Variants in MKLN1 observed in about 807,000 individuals in gnomAD.
The protein encoded by MKLN1 is muskelin 1.
Under a neutral mutation model 99.0 loss-of-function variants are expected in MKLN1, and 18 were observed. The ratio of observed to expected loss-of-function variants is 0.18; its 90% CI spans 0.13 to 0.27. The LOEUF (loss-of-function observed/expected upper bound fraction) is 0.27, where lower values mean the gene tolerates loss of function less well. MKLN1 is among the 10% of genes least tolerant of loss of function. MKLN1 has a pLI of 1.00. For missense variants in MKLN1, 621 were observed against 875.9 expected, an observed-to-expected ratio of 0.71 and a Z score of 3.67; for synonymous variants, 288 against 293.2, an observed-to-expected ratio of 0.98 and a Z score of 0.18.
intron 3 of MKLN1, among the ~76,000 whole-genome samples, chr7:131,269,636 G>A (rs1797856153): frequency 2.0e-5 from 3 of 152,022 alleles, no homozygotes; most frequent in African/African-American, 7.2e-5. Context: ...TATTTTTCAC[G>A]GTTGTCATGA....
chr7:131,269,345 C>T (rs1797852116), intron 3 of MKLN1, among the ~76,000 whole-genome samples: 1 of 152,200 alleles, frequency 6.6e-6, no homozygotes, highest in Non-Finnish European at 1.5e-5. Flanking sequence ...TGGTGAGGGC[C>T]TGCCTTCTAG....
intron 3 of MKLN1, among the ~76,000 whole-genome samples, chr7:131,221,540 G>A (rs1277150810): frequency 6.8e-6 from 1 of 146,566 alleles, no homozygotes; most frequent in Non-Finnish European, 1.5e-5. Flanking sequence ...CCGAAGTCTG[G>A]CTCCATCACC....
At chr7:131,300,102 G>C (rs1248613874) in intron 3 of MKLN1, among the ~76,000 whole-genome samples, 1 of 152,162 alleles carries the variant, frequency 6.6e-6, no homozygotes, top group African/African-American at 2.4e-5. Context: ...AAGGAGCTGG[G>C]AGTGGGAAAG....
intron 6 of MKLN1, among the ~76,000 whole-genome samples, chr7:131,406,144 C>G (rs746538174): frequency 6.6e-6 from 1 of 151,930 alleles, no homozygotes; most frequent in East Asian, 1.9e-4. Flanking sequence ...TTATGAAGTG[C>G]CTTTTTATCT....
chr7:131,425,235 A>G (rs921331757), intron 8 of MKLN1, among the ~76,000 whole-genome samples: 18 of 151,736 alleles, frequency 1.2e-4, no homozygotes, highest in Admixed American at 1.2e-3. Context: ...AACACTTTTG[A>G]CGTGTTTTTC....
chr7:131,197,880 A>C (rs1232333457), intron 2 of MKLN1, among the ~76,000 whole-genome samples: 1 of 152,002 alleles, frequency 6.6e-6, no homozygotes, highest in South Asian at 2.1e-4. Flanking sequence ...TCTATTGCCC[A>C]GGCTGGAGTG....
intron 12 of MKLN1, among the ~76,000 whole-genome samples, chr7:131,455,320 AG>A (rs1299806173): frequency 2.0e-5 from 3 of 152,184 alleles, no homozygotes; most frequent in African/African-American, 7.2e-5. Context: ...CCATTTGCTT[AG>A]AGGATAAACC....
chr7:131,345,526 G>T (rs1009745958), intron 1 of MKLN1, among the ~76,000 whole-genome samples: 4 of 152,138 alleles, frequency 2.6e-5, no homozygotes, highest in African/African-American at 4.8e-5. Context: ...AGAATAGCTT[G>T]GGTAACATAG....
At chr7:131,169,172 G>A (rs1796180415) in intron 2 of MKLN1, among the ~76,000 whole-genome samples, 1 of 152,140 alleles carries the variant, frequency 6.6e-6, no homozygotes, top group South Asian at 2.1e-4. Context: ...GCCAGCCACC[G>A]TGTCTGGCTG....
intron 3 of MKLN1, among the ~76,000 whole-genome samples, chr7:131,278,102 GC>G: frequency 6.6e-6 from 1 of 151,960 alleles, no homozygotes; most frequent in Non-Finnish European, 1.5e-5. Context: ...GCATACAGTG[GC>G]GTGATCTCAG....
At chr7:131,197,762 A>G (rs1474293413) in intron 2 of MKLN1, among the ~76,000 whole-genome samples, 6 of 152,176 alleles carry the variant, frequency 3.9e-5, no homozygotes, top group Non-Finnish European at 1.5e-5. Flanking sequence ...TATAACTAAT[A>G]GTATAACCAC....
chr7:131,247,235 C>CTTTTTTTTTTTTTTTTTT (rs72068521), intron 3 of MKLN1, among the ~76,000 whole-genome samples: 3 of 141,148 alleles, frequency 2.1e-5, no homozygotes, highest in African/African-American at 2.6e-5. Context: ...TTTCTTTTTT[C>CTTTTTTTTTTTTTTTTTT]TTTTTTTTTT....
intron 9 of MKLN1, among the ~76,000 whole-genome samples, chr7:131,432,064 G>A (rs1398873828): frequency 6.6e-6 from 1 of 152,140 alleles, no homozygotes; most frequent in African/African-American, 2.4e-5. Flanking sequence ...TACTTGGATG[G>A]CTTACTATAA....
At chr7:131,234,262 G>A (rs1415611918) in intron 3 of MKLN1, among the ~76,000 whole-genome samples, 1 of 152,022 alleles carries the variant, frequency 6.6e-6, no homozygotes, top group Non-Finnish European at 1.5e-5. Context: ...TTACAGGTGT[G>A]AGACACCACG....
At chr7:131,388,450 CATT>C (rs1397246050) in intron 3 of MKLN1, among the ~76,000 whole-genome samples, 1 of 152,160 alleles carries the variant, frequency 6.6e-6, no homozygotes, top group Non-Finnish European at 1.5e-5. Flanking sequence ...ATAAAAGAAA[CATT>C]GGCATCTCAG....
At chr7:131,343,206 C>G (rs2116733774) in intron 1 of MKLN1, among the ~76,000 whole-genome samples, 1 of 152,300 alleles carries the variant, frequency 6.6e-6, no homozygotes, top group South Asian at 2.1e-4. Flanking sequence ...GGAATTTATC[C>G]TTACCCATGT....
intron 2 of MKLN1, among the ~76,000 whole-genome samples, chr7:131,195,023 G>T (rs756081863): frequency 5.3e-5 from 8 of 152,060 alleles, no homozygotes; most frequent in Non-Finnish European, 1.0e-4. Context: ...AAGTTATCTC[G>T]CAAAAACAAA....
intron 3 of MKLN1, among the ~76,000 whole-genome samples, chr7:131,254,601 T>C (rs543630882): frequency 3.9e-5 from 6 of 152,194 alleles, no homozygotes; most frequent in African/African-American, 1.4e-4. Flanking sequence ...AAATAGATTT[T>C]TTTTTAAAAA....
At chr7:131,332,435 A>G (rs1799104830) in intron 1 of MKLN1, among the ~76,000 whole-genome samples, 1 of 148,460 alleles carries the variant, frequency 6.7e-6, no homozygotes, top group African/African-American at 2.4e-5. Flanking sequence ...CTAAGAAAAA[A>G]ATAGACACTT....
Sources: gnomAD v4.1 joint callset for allele counts (sites outside exome capture counted in the v4.1 genomes callset) on GRCh38, gnomAD v4.1.1 for gene constraint, MANE v1.5 for transcripts, NCBI Gene and HGNC (gene_info 2026-07-23, HGNC 2026-07-21) for gene names.